TRAF3IP1: variants seen among roughly 807,000 people sequenced by gnomAD.
The protein encoded by TRAF3IP1 is intraflagellar transport 54, also known as TRAF3-interacting protein 1.
A neutral mutation model predicts 89.9 loss-of-function variants in TRAF3IP1; 53 were observed. The observed-to-expected ratio is 0.59, with a 90% CI of 0.47 to 0.74. TRAF3IP1 has a LOEUF of 0.74. Among genes scored for constraint, TRAF3IP1 ranks in the 30% least tolerant of loss-of-function variants. TRAF3IP1 has a pLI of 0.00. For synonymous variants in TRAF3IP1, 311 were observed against 322.1 expected (o/e 0.97, Z 0.37); for missense variants, 806 against 866.1 (o/e 0.93, Z 0.87).
At chr2:238,328,222 A>G (rs777881483) in intron 3 of TRAF3IP1, among the ~76,000 whole-genome samples, 21 of 152,036 alleles carry the variant, frequency 1.4e-4, no homozygotes, top group African/African-American at 2.4e-4. Context: ...GAGAGCTTCA[A>G]TTTCTCCTTA....
At chr2:238,394,640 T>C (rs1701133658) in intron 15 of TRAF3IP1, among the ~76,000 whole-genome samples, 1 of 152,258 alleles carries the variant, frequency 6.6e-6, no homozygotes, top group African/African-American at 2.4e-5. Flanking sequence ...TCTTGTATAC[T>C]ACAACCTTGC....
chr2:238,362,694 C>A (rs1429477379), intron 15 of TRAF3IP1, among the ~76,000 whole-genome samples: 1 of 152,222 alleles, frequency 6.6e-6, no homozygotes, highest in Non-Finnish European at 1.5e-5. Context: ...CTATTTTAGG[C>A]ATCCATTTGC....
intron 3 of TRAF3IP1, 94 bp from the exon 4 acceptor site, chr2:238,328,592 C>A: frequency 7.1e-7 from 1 of 1,416,948 alleles, no homozygotes; most frequent in Non-Finnish European, 9.6e-7. Context: ...GAGAATCTGT[C>A]TCATGAGCTA....
chr2:238,325,027 C>A (rs1483926202), intron 1 of TRAF3IP1, among the ~76,000 whole-genome samples: 1 of 152,160 alleles, frequency 6.6e-6, no homozygotes, highest in Non-Finnish European at 1.5e-5. Flanking sequence ...TGCTCCCTCC[C>A]GGATTGTGGA....
At chr2:238,328,650 A>G (rs1195163148) in intron 3 of TRAF3IP1, 36 bp from the exon 4 acceptor site, 2 of 1,600,012 alleles carry the variant, frequency 1.2e-6, no homozygotes, top group African/African-American at 2.7e-5. Flanking sequence ...ATCTCATTTC[A>G]CCTAACACCT....
intron 15 of TRAF3IP1, among the ~76,000 whole-genome samples, chr2:238,387,305 T>C (rs1700813339): frequency 6.6e-6 from 1 of 152,234 alleles, no homozygotes; most frequent in African/African-American, 2.4e-5. Context: ...CGGTCTGTTA[T>C]TTGGAAGGCT....
Position 238,393,881 on chromosome 2 carries a change from A to G in TRAF3IP1, c.1690-3578A>G, listed in dbSNP as rs148977045. ...ATCTATGTCCCTCTGTCAATACTGC[A>G]CTGTCTTGATTACTGTAATTGTATA... On this transcript the variant is annotated intron_variant, in intron 15 of 16. Coordinates refer to ENST00000373327, the MANE Select transcript of TRAF3IP1 (RefSeq NM_015650.4). Among the ~76,000 whole-genome samples, 418 of 152,282 alleles carry G rather than the reference A, an allele frequency of 2.7e-3. 2 individuals carry two copies. Among genetic ancestry groups the G allele is most frequent in the African/African-American group, 9.5e-3 (395 of 41,564 alleles).
chr2:238,323,159 A>G (rs1388955296), intron 1 of TRAF3IP1, among the ~76,000 whole-genome samples: 2 of 151,898 alleles, frequency 1.3e-5, no homozygotes, highest in Non-Finnish European at 2.9e-5. Context: ...ACTCACTGCA[A>G]CTTACGCCTC....
chr2:238,391,015 C>T (rs1003385279), intron 15 of TRAF3IP1, among the ~76,000 whole-genome samples: 1 of 152,152 alleles, frequency 6.6e-6, no homozygotes, highest in African/African-American at 2.4e-5. Context: ...AGTACAGTGG[C>T]ACAGTCTTGG....
intron 15 of TRAF3IP1, among the ~76,000 whole-genome samples, chr2:238,392,055 T>C (rs1220742778): frequency 6.6e-6 from 1 of 152,186 alleles, no homozygotes; most frequent in Non-Finnish European, 1.5e-5. Context: ...GATATAACCA[T>C]AGATTCATAT....
At position 238,329,343 on chromosome 2, in the gene TRAF3IP1, G is replaced by A. The variant is rs747753013; in HGVS notation, c.915+1G>A. 8 of 1,355,406 alleles carry A rather than the reference G, an allele frequency of 5.9e-6. No homozygotes were observed. The highest frequency in any genetic ancestry group is 2.6e-5 in the South Asian group (1 of 38,768). The allele number at this position is 1,355,406 out of a possible 1,614,324, so 84.0% of individuals were successfully genotyped here. A position where few individuals can be genotyped will look rare whatever the true frequency, so the allele number is the denominator to read the frequency against. On this transcript the variant is annotated splice_donor_variant, in intron 5 of 16. Transcript: ENST00000373327. LOFTEE classifies it high-confidence loss of function. ...AGAGCATGACAAACCTGAGAAAAAG[G>A]TAAAGTCTTGCTGAGAACCTCGCCT... is the stretch of plus-strand genomic sequence containing the variant.
At chr2:238,350,481 A>G (rs1427229379) in intron 12 of TRAF3IP1, among the ~76,000 whole-genome samples, 1 of 151,978 alleles carries the variant, frequency 6.6e-6, no homozygotes, top group Non-Finnish European at 1.5e-5. Flanking sequence ...CAGAGGAGAG[A>G]GGGGCTGGGT....
At chr2:238,352,510 C>G (rs553030309) in intron 12 of TRAF3IP1, among the ~76,000 whole-genome samples, 29 of 151,988 alleles carry the variant, frequency 1.9e-4, no homozygotes, top group African/African-American at 7.0e-4. Context: ...CCCTGAGGGT[C>G]TTTGTGCAGT....
intron 15 of TRAF3IP1, among the ~76,000 whole-genome samples, chr2:238,370,245 GTA>G (rs60917852): frequency 0.11 from 16,852 of 151,886 alleles, 1,510 homozygotes; most frequent in African/African-American, 0.25. Context: ...GTGTGCATGT[GTA>G]TATATGTGTG....
intron 3 of TRAF3IP1, among the ~76,000 whole-genome samples, chr2:238,327,602 A>C (rs1161383323): frequency 3.9e-5 from 6 of 152,096 alleles, no homozygotes; most frequent in African/African-American, 1.4e-4. Context: ...ATAAAACATA[A>C]AATTTGCCAT....
intron 15 of TRAF3IP1, among the ~76,000 whole-genome samples, chr2:238,370,322 A>G (rs1700056102): frequency 6.6e-6 from 1 of 151,752 alleles, no homozygotes; most frequent in Non-Finnish European, 1.5e-5. Context: ...TGTATTGTGC[A>G]TGTCTGTGTA....
intron 5 of TRAF3IP1, among the ~76,000 whole-genome samples, chr2:238,329,943 T>A (rs1698039076): frequency 6.6e-6 from 1 of 152,220 alleles, no homozygotes; most frequent in Non-Finnish European, 1.5e-5. Context: ...TAGGGTTTAA[T>A]GATTCCCCAC....
At chr2:238,389,093 A>G (rs532656166) in intron 15 of TRAF3IP1, among the ~76,000 whole-genome samples, 1 of 152,120 alleles carries the variant, frequency 6.6e-6, no homozygotes, top group Non-Finnish European at 1.5e-5. Flanking sequence ...TGTCGGGTAG[A>G]GCTCTGCTCA....
chr2:238,352,048 T>C (rs574617727), intron 12 of TRAF3IP1, among the ~76,000 whole-genome samples: 192 of 150,766 alleles, frequency 1.3e-3, no homozygotes, highest in African/African-American at 4.4e-3. Flanking sequence ...GCCTGTAGAG[T>C]GTTTGGGTCG....
Sources: gnomAD v4.1 joint callset for allele counts (sites outside exome capture counted in the v4.1 genomes callset) on GRCh38, gnomAD v4.1.1 for gene constraint, MANE v1.5 for transcripts, NCBI Gene and HGNC (gene_info 2026-07-23, HGNC 2026-07-21) for gene names.